Variants in CNBD1 observed in about 807,000 individuals in gnomAD.
The protein encoded by CNBD1 is cyclic nucleotide-binding domain-containing protein 1.
CNBD1 carries 71 observed loss-of-function variants against 54.4 expected under a neutral mutation model. That is an observed-to-expected ratio of 1.30 (90% CI 1.08 to 1.59). CNBD1 has a LOEUF of 1.59. Among genes scored for constraint, CNBD1 ranks in the 40% most tolerant of loss-of-function variants. The probability of loss-of-function intolerance (pLI) is 0.00; values close to 1 mark genes in which losing one functional copy is unlikely to be tolerated. For synonymous variants in CNBD1, 182 were observed against 170.7 expected, an observed-to-expected ratio of 1.07 and a Z score of -0.51; for missense variants, 659 against 518.0, an observed-to-expected ratio of 1.27 and a Z score of -2.64.
rs188484195 is a variant in CNBD1 at position 87,018,762 on chromosome 8, G to A, written c.431+79008G>A. Among the ~76,000 whole-genome samples the A allele has an allele frequency of 4.6e-5, 7 of 152,204 alleles. No individual in the cohort carries two copies. The East Asian group carries it at 1.2e-3, about 25-fold the overall frequency. On this transcript the variant is annotated intron_variant, in intron 4 of 10. Transcript: ENST00000518476. ...CTCTGTTGCTAAAACTATACAAGCC[G>A]CCTCCCTCTAGGCCCAGGGACTATT...
At chr8:87,144,551 A>C (rs1306281537) in intron 4 of CNBD1, among the ~76,000 whole-genome samples, 1 of 152,152 alleles carries the variant, frequency 6.6e-6, no homozygotes, top group Non-Finnish European at 1.5e-5. Context: ...TAGATGCAAA[A>C]AAATGTAATT....
chr8:86,915,938 A>G (rs981644228), intron 3 of CNBD1, among the ~76,000 whole-genome samples: 2 of 152,212 alleles, frequency 1.3e-5, no homozygotes, highest in African/African-American at 4.8e-5. Flanking sequence ...AGTTGATGTT[A>G]CAGATACTGT....
intron 4 of CNBD1, among the ~76,000 whole-genome samples, chr8:87,196,110 C>T (rs1707783322): frequency 6.6e-6 from 1 of 152,146 alleles, no homozygotes; most frequent in African/African-American, 2.4e-5. Context: ...TATACTCCCT[C>T]ACAGGTAGAA....
intron 4 of CNBD1, among the ~76,000 whole-genome samples, chr8:87,109,761 A>G (rs1811621351): frequency 6.6e-6 from 1 of 151,704 alleles, no homozygotes; most frequent in East Asian, 1.9e-4. Flanking sequence ...GATGGTCTTG[A>G]TCTCCTGACC....
chr8:87,187,731 C>T (rs1156813717), intron 4 of CNBD1, among the ~76,000 whole-genome samples: 1 of 152,060 alleles, frequency 6.6e-6, no homozygotes, highest in Non-Finnish European at 1.5e-5. Context: ...TAAATATATT[C>T]CAAACTAATT....
At chr8:87,107,090 A>C (rs7002866) in intron 4 of CNBD1, among the ~76,000 whole-genome samples, 2,216 of 152,102 alleles carry the variant, frequency 0.015, 44 homozygotes, top group African/African-American at 0.048. Flanking sequence ...GGCCTCCCAA[A>C]GTGCCGGGAT....
At chr8:87,307,087 A>G (rs1809167712) in intron 8 of CNBD1, among the ~76,000 whole-genome samples, 1 of 152,212 alleles carries the variant, frequency 6.6e-6, no homozygotes, top group African/African-American at 2.4e-5. Flanking sequence ...ACATCTAAAT[A>G]GAAGATATTA....
At chr8:86,915,905 A>G (rs1430471096) in intron 3 of CNBD1, among the ~76,000 whole-genome samples, 2 of 152,148 alleles carry the variant, frequency 1.3e-5, no homozygotes, top group South Asian at 2.1e-4. Context: ...TTTTAGCTCT[A>G]TTAATCTAAG....
intron 4 of CNBD1, among the ~76,000 whole-genome samples, chr8:86,954,984 T>A (rs1186131246): frequency 1.3e-5 from 1 of 75,992 alleles, no homozygotes; most frequent in Non-Finnish European, 2.6e-5. Context: ...CCCTCCCCCC[T>A]CCCCCCACTC....
At chr8:87,017,884 C>T (rs1295992837) in intron 4 of CNBD1, among the ~76,000 whole-genome samples, 1 of 152,092 alleles carries the variant, frequency 6.6e-6, no homozygotes, top group Admixed American at 6.5e-5. Context: ...CAAAGGCACT[C>T]GTTATTTTAT....
intron 4 of CNBD1, among the ~76,000 whole-genome samples, chr8:87,159,321 T>C (rs1812808925): frequency 6.6e-6 from 1 of 152,114 alleles, no homozygotes; most frequent in Admixed American, 6.6e-5. Flanking sequence ...GAACCCCTCA[T>C]ATAATTTCTA....
intron 4 of CNBD1, among the ~76,000 whole-genome samples, chr8:86,986,249 A>G (rs1427285341): frequency 6.6e-6 from 1 of 151,982 alleles, no homozygotes; most frequent in African/African-American, 2.4e-5. Flanking sequence ...TTTGATTTGT[A>G]TTTCTCTGAC....
intron 1 of CNBD1, among the ~76,000 whole-genome samples, chr8:86,870,157 C>T (rs1413941136): frequency 7.5e-6 from 1 of 133,088 alleles, no homozygotes; most frequent in Non-Finnish European, 1.6e-5. Context: ...AGACCAGAGA[C>T]ACATCAAGAA....
At chr8:87,085,462 TTCTC>T (rs1004037466) in intron 4 of CNBD1, among the ~76,000 whole-genome samples, 1 of 152,166 alleles carries the variant, frequency 6.6e-6, no homozygotes, top group Non-Finnish European at 1.5e-5. Flanking sequence ...TGGGGCTAAT[TTCTC>T]TCTTTGTTCA....
chr8:87,040,276 A>C (rs894475730), intron 4 of CNBD1, among the ~76,000 whole-genome samples: 2 of 152,234 alleles, frequency 1.3e-5, no homozygotes, highest in African/African-American at 2.4e-5. Context: ...GGAATGGACA[A>C]GGACAGCTTG....
At chr8:87,270,515 G>A (rs1475319858) in intron 6 of CNBD1, among the ~76,000 whole-genome samples, 2 of 151,856 alleles carry the variant, frequency 1.3e-5, no homozygotes, top group Admixed American at 1.3e-4. Context: ...TTTTTGGTTG[G>A]GAGTGTAAAT....
chr8:87,207,990 T>A (rs1423176535), intron 5 of CNBD1, among the ~76,000 whole-genome samples: 1 of 152,224 alleles, frequency 6.6e-6, no homozygotes, highest in Non-Finnish European at 1.5e-5. Context: ...TCTTTGTTCA[T>A]CCAGTTTAGT....
intron 4 of CNBD1, among the ~76,000 whole-genome samples, chr8:87,007,050 A>G (rs1015250301): frequency 6.6e-6 from 1 of 152,130 alleles, no homozygotes; most frequent in Non-Finnish European, 1.5e-5. Flanking sequence ...TACAAAAATT[A>G]GCCAGGCGTG....
intron 2 of CNBD1, among the ~76,000 whole-genome samples, chr8:87,388,142 G>A (rs938533999): frequency 4.6e-5 from 7 of 152,110 alleles, no homozygotes; most frequent in Admixed American, 1.3e-4. Context: ...ATGCCCACAA[G>A]AGAAAGAAGG....
Sources: gnomAD v4.1 joint callset for allele counts (sites outside exome capture counted in the v4.1 genomes callset) on GRCh38, gnomAD v4.1.1 for gene constraint, MANE v1.5 for transcripts, NCBI Gene and HGNC (gene_info 2026-07-23, HGNC 2026-07-21) for gene names.